Variants in ARL15 observed in about 807,000 individuals in gnomAD.
ARL15 encodes the protein ADP-ribosylation factor-like protein 15.
A neutral mutation model predicts 25.2 loss-of-function variants in ARL15; 19 were observed. The ratio of observed to expected loss-of-function variants is 0.75; its 90% CI spans 0.53 to 1.10. The LOEUF (loss-of-function observed/expected upper bound fraction) is 1.10, where lower values mean the gene tolerates loss of function less well. Among genes scored for constraint, ARL15 ranks in the 50% least tolerant of loss-of-function variants. The probability of loss-of-function intolerance (pLI) is 0.00; values close to 1 mark genes in which losing one functional copy is unlikely to be tolerated. For missense variants in ARL15, 220 were observed against 246.0 expected (o/e 0.89, Z 0.71); for synonymous variants, 94 against 86.8 (o/e 1.08, Z -0.46).
intron 4 of ARL15, among the ~76,000 whole-genome samples, chr5:54,079,595 G>A (rs1220873565): frequency 2.6e-5 from 4 of 152,088 alleles, no homozygotes; most frequent in African/African-American, 9.7e-5. Flanking sequence ...ATAGATACCT[G>A]TAGAAAATTG....
chr5:54,211,876 T>A (rs887356138), intron 1 of ARL15, among the ~76,000 whole-genome samples: 1 of 152,174 alleles, frequency 6.6e-6, no homozygotes, highest in Non-Finnish European at 1.5e-5. Flanking sequence ...AAATGAGGAA[T>A]ATGCTTATCT....
chr5:53,904,620 A>G (rs1745180870), intron 4 of ARL15, among the ~76,000 whole-genome samples: 1 of 152,230 alleles, frequency 6.6e-6, no homozygotes, highest in Admixed American at 6.5e-5. Context: ...TAATGAAACA[A>G]ATATAAAACA....
intron 4 of ARL15, among the ~76,000 whole-genome samples, chr5:53,894,938 A>C (rs1744827410): frequency 1.3e-5 from 2 of 152,134 alleles, no homozygotes; most frequent in South Asian, 2.1e-4. Flanking sequence ...AGGCACCATA[A>C]ATTCCCTGTA....
Position 54,057,676 on chromosome 5 carries a change from T to C in ARL15, c.462+55526A>G, listed in dbSNP as rs528814357. 5.3e-5 allele frequency among the ~76,000 whole-genome samples: 8 copies of C among 152,116 alleles called. No homozygotes were observed. In the East Asian group the frequency reaches 9.7e-4, roughly 18 times the overall value. ...GGGCAACATAGTGAGACCTAGTCTC[T>C]ACAAAAAAATATTTAAAAATTAGCT... is the stretch of plus-strand genomic sequence containing the variant. On this transcript the variant is annotated intron_variant, in intron 4 of 4. Transcript: ENST00000504924.
chr5:54,126,864 T>C (rs1466804232), intron 3 of ARL15, among the ~76,000 whole-genome samples: 2 of 152,052 alleles, frequency 1.3e-5, no homozygotes, highest in Non-Finnish European at 1.5e-5. Flanking sequence ...TTTATTATTA[T>C]TATACTTTAA....
chr5:53,994,730 C>T (rs1014411975), intron 4 of ARL15, among the ~76,000 whole-genome samples: 4 of 152,184 alleles, frequency 2.6e-5, no homozygotes, highest in Non-Finnish European at 4.4e-5. Flanking sequence ...GGCCATATAC[C>T]AGCTGCCTTG....
chr5:54,039,362 T>C (rs938376074), intron 4 of ARL15, among the ~76,000 whole-genome samples: 1 of 152,188 alleles, frequency 6.6e-6, no homozygotes, highest in Admixed American at 6.5e-5. Flanking sequence ...GAATAGGTTA[T>C]ATACATCTTG....
intron 4 of ARL15, among the ~76,000 whole-genome samples, chr5:53,950,803 G>T (rs1232900195): frequency 6.6e-6 from 1 of 152,160 alleles, no homozygotes; most frequent in Non-Finnish European, 1.5e-5. Context: ...TAAGCATTAT[G>T]AGTGCTCTAA....
intron 4 of ARL15, among the ~76,000 whole-genome samples, chr5:53,943,120 C>T (rs1226464297): frequency 2.0e-5 from 3 of 151,590 alleles, no homozygotes; most frequent in African/African-American, 7.3e-5. Flanking sequence ...GGGGAGTGGG[C>T]GGGGGTGTTG....
At chr5:54,282,330 A>G (rs1406107203) in intron 1 of ARL15, 8 of 985,318 alleles carry the variant, frequency 8.1e-6, no homozygotes, top group Middle Eastern at 5.2e-4. Context: ...GACATTCTCT[A>G]TAAGATTAAA....
chr5:54,017,224 T>C (rs956849501), intron 4 of ARL15, among the ~76,000 whole-genome samples: 1 of 152,190 alleles, frequency 6.6e-6, no homozygotes, highest in Non-Finnish European at 1.5e-5. Flanking sequence ...GCTTGACATA[T>C]TTCCCTAAAA....
intron 4 of ARL15, among the ~76,000 whole-genome samples, chr5:54,099,609 G>A (rs766813313): frequency 7.6e-4 from 115 of 151,900 alleles, no homozygotes; most frequent in Admixed American, 1.4e-3. Context: ...TTTGACTTTT[G>A]TGTATTTAAA....
chr5:54,096,783 T>C (rs2112163854), intron 4 of ARL15, among the ~76,000 whole-genome samples: 1 of 152,234 alleles, frequency 6.6e-6, no homozygotes, highest in South Asian at 2.1e-4. Context: ...TTTGAAAAAG[T>C]TGCTTTTGCC....
chr5:53,902,755 A>G (rs1745110458), intron 4 of ARL15, among the ~76,000 whole-genome samples: 1 of 152,176 alleles, frequency 6.6e-6, no homozygotes, highest in South Asian at 2.1e-4. Context: ...AGATGCAGAG[A>G]TATTCAAGGG....
In ARL15 at chr5:53,953,310, C is replaced by T. The variant is rs182069061; in HGVS notation, c.463-66597G>A. On this transcript the variant is annotated intron_variant, in intron 4 of 4. Transcript: ENST00000504924. ...CTGAAGAATTGAGGAGGATAATATACGTGTCTTGTATAAAGCACTATGCAA... is the reference window on the plus strand; with the variant it reads ...CTGAAGAATTGAGGAGGATAATATATGTGTCTTGTATAAAGCACTATGCAA... 7.9e-5 allele frequency among the ~76,000 whole-genome samples: 12 copies of T among 152,172 alleles called. No homozygotes were observed. The East Asian group carries it at 1.9e-3, about 24-fold the overall frequency.
intron 4 of ARL15, among the ~76,000 whole-genome samples, chr5:54,003,668 C>A (rs200226291): frequency 9.2e-5 from 1 of 10,914 alleles, no homozygotes; most frequent in Non-Finnish European, 1.8e-4. Flanking sequence ...TTCTTTCTAT[C>A]TATCTATCTA....
At chr5:54,310,328 T>A in intron 1 of ARL15, 104 bp downstream of exon 1, 1 of 1,326,704 alleles carries the variant, frequency 7.5e-7, no homozygotes, top group Non-Finnish European at 1.0e-6. Context: ...CCCAGAGGCA[T>A]CCTATCCCAA....
chr5:54,179,947 G>A (rs944175660), intron 1 of ARL15, among the ~76,000 whole-genome samples: 3 of 151,234 alleles, frequency 2.0e-5, no homozygotes, highest in Non-Finnish European at 2.9e-5. Context: ...AAACCTGGGG[G>A]ACTGAGGTTG....
intron 4 of ARL15, among the ~76,000 whole-genome samples, chr5:54,012,652 G>C (rs757301133): frequency 6.7e-6 from 1 of 149,442 alleles, no homozygotes; most frequent in African/African-American, 2.5e-5. Context: ...AGCCTCCCAA[G>C]TACCTGGGAT....
Sources: allele counts gnomAD v4.1 joint callset (sites outside exome capture counted in the v4.1 genomes callset), GRCh38; gene constraint gnomAD v4.1.1; transcripts MANE v1.5; gene names NCBI Gene and HGNC (gene_info 2026-07-23, HGNC 2026-07-21).